The following CLDN16 variants were observed in gnomAD, a reference collection of about 807,000 sequenced individuals.
CLDN16 encodes the protein claudin-16.
In CLDN16, 13 loss-of-function variants were observed where a neutral mutation model predicts 24.6. That is an observed-to-expected ratio of 0.53 (90% confidence interval 0.34 to 0.84). CLDN16 has a LOEUF of 0.84. CLDN16 is among the 40% of genes least tolerant of loss of function. The pLI is 0.01. For synonymous variants in CLDN16, 116 were observed against 106.7 expected (o/e 1.09, Z -0.54); for missense variants, 298 against 292.7 (o/e 1.02, Z -0.13).
chr3:190,314,556 G>A, the CLDN16 span, among the ~76,000 whole-genome samples: 1 of 134,450 alleles, frequency 7.4e-6, no homozygotes, highest in African/African-American at 3.4e-5. Context: ...CACCATGCCT[G>A]GCTAAATTTT....
At chr3:190,310,181 G>GGGGTCATA in the CLDN16 span, 4 of 1,613,492 alleles carry the variant, frequency 2.5e-6, no homozygotes, top group Non-Finnish European at 3.4e-6. Flanking sequence ...GGCATTGACT[G>GGGGTCATA]GGGTCATAGG....
chr3:190,307,909 G>T, the CLDN16 span: 2 of 169,538 alleles, frequency 1.2e-5, no homozygotes, highest in African/African-American at 4.8e-5. Context: ...GATATTTTAA[G>T]TATGCTAGTA....
chr3:190,330,192 C>T (rs887727763), intron 1 of CLDN16, among the ~76,000 whole-genome samples: 25 of 152,224 alleles, frequency 1.6e-4, no homozygotes, highest in Non-Finnish European at 3.2e-4. Context: ...AGCATTCTGC[C>T]TGAGATTCTA....
chr3:190,383,897 G>A (rs1282758219), upstream of CLDN16, among the ~76,000 whole-genome samples: 2 of 152,060 alleles, frequency 1.3e-5, no homozygotes, highest in Admixed American at 1.3e-4. Flanking sequence ...ACAATTTATT[G>A]CTTATTTATT....
At chr3:190,359,705 G>GGAGCACT (rs1717846826) in intron 1 of CLDN16, among the ~76,000 whole-genome samples, 1 of 151,958 alleles carries the variant, frequency 6.6e-6, no homozygotes, top group Non-Finnish European at 1.5e-5. Flanking sequence ...AAGTAGCATG[G>GGAGCACT]GAGCACTGAA....
chr3:190,307,162 A>G, the CLDN16 span: 1 of 152,664 alleles, frequency 6.6e-6, no homozygotes, highest in Non-Finnish European at 1.5e-5. Flanking sequence ...AGGTAGAAAG[A>G]TTAAGTGACT....
chr3:190,300,205 G>T, the CLDN16 span, among the ~76,000 whole-genome samples: 5 of 150,156 alleles, frequency 3.3e-5, no homozygotes, highest in African/African-American at 1.3e-4. Context: ...CTGCAGTGCT[G>T]TTGGCAGCTG....
chr3:190,365,534 A>G (rs1039047665), intron 1 of CLDN16, among the ~76,000 whole-genome samples: 8 of 147,390 alleles, frequency 5.4e-5, no homozygotes, highest in African/African-American at 1.8e-4. Flanking sequence ...TACTTCATCT[A>G]GTATGAGCCA....
chr3:190,308,175 C>T, the CLDN16 span: 237,357 of 1,364,970 alleles, frequency 0.17, 21,886 homozygotes, highest in Middle Eastern at 0.23. Flanking sequence ...TACCATACTT[C>T]AGATTACAAT....
chr3:190,391,547 C>T (rs770051305), intron 1 of CLDN16, among the ~76,000 whole-genome samples: 8 of 152,116 alleles, frequency 5.3e-5, no homozygotes, highest in Non-Finnish European at 1.0e-4. Context: ...AAAGAAAAGG[C>T]ATTTGAGCAA....
chr3:190,406,613 A>T (rs1382984113), intron 3 of CLDN16, among the ~76,000 whole-genome samples: 1 of 152,200 alleles, frequency 6.6e-6, no homozygotes, highest in East Asian at 1.9e-4. Flanking sequence ...TTTATTTTTA[A>T]AGTCTATAAT....
intron 1 of CLDN16, among the ~76,000 whole-genome samples, chr3:190,326,337 A>G (rs1483265185): frequency 6.6e-6 from 1 of 152,242 alleles, no homozygotes; most frequent in East Asian, 1.9e-4. Flanking sequence ...ATTCTGTTAC[A>G]GTCCCACTGA....
intron 1 of CLDN16, among the ~76,000 whole-genome samples, chr3:190,347,678 A>G (rs926025252): frequency 6.6e-6 from 1 of 152,214 alleles, no homozygotes; most frequent in Admixed American, 6.5e-5. Context: ...AATTTCAACT[A>G]GGCATGTCTG....
the CLDN16 span, among the ~76,000 whole-genome samples, chr3:190,295,973 G>GT: frequency 6.6e-6 from 1 of 151,872 alleles, no homozygotes; most frequent in Non-Finnish European, 1.5e-5. Context: ...TGGCTCTAGG[G>GT]TTTTTTATTT....
chr3:190,318,543 G>C (rs76715059), upstream of CLDN16, among the ~76,000 whole-genome samples: 1 of 152,112 alleles, frequency 6.6e-6, no homozygotes, highest in South Asian at 2.1e-4. Flanking sequence ...TATTTTATAA[G>C]TGGGGTAACT....
chr3:190,408,337 G>C lies in CLDN16; in HGVS notation c.406G>C (p.Val136Leu). The change falls in exon 4 of 5, where the codon GTG becomes CTG. Residue 136 changes from valine to leucine, a missense_variant. Physicochemically the swap from Val to Leu is conservative, Grantham distance 32. Transcript: ENST00000264734. ...IAGTPGIIGSVWYAVDVYVER... is the reference protein window; with the variant it reads ...IAGTPGIIGSLWYAVDVYVER... ...AGGTACCCCAGGAATCATTGGCTCTGTGTGGTATGCTGTTGATGTGTATGT... is the reference window on the plus strand; with the variant it reads ...AGGTACCCCAGGAATCATTGGCTCTCTGTGGTATGCTGTTGATGTGTATGT... The C allele has an allele frequency of 6.2e-7, 1 of 1,614,104 alleles. No individual in the cohort carries two copies. Among genetic ancestry groups the C allele is most frequent in the Non-Finnish European group, 8.5e-7 (1 of 1,179,984 alleles).
At chr3:190,357,977 C>T (rs553529519) in intron 1 of CLDN16, among the ~76,000 whole-genome samples, 5 of 151,678 alleles carry the variant, frequency 3.3e-5, no homozygotes, top group African/African-American at 1.2e-4. Flanking sequence ...TTTTATATTC[C>T]CCTGGGTCAT....
upstream of CLDN16, chr3:190,322,526 TC>T: frequency 6.4e-6 from 2 of 314,370 alleles, no homozygotes; most frequent in Non-Finnish European, 1.2e-5. Flanking sequence ...CCTGGCGGTT[TC>T]AGGGCGGCTC....
At position 190,362,382 on chromosome 3, in the gene CLDN16, A is replaced by T. The variant is rs528556407; in HGVS notation, n.122-8511A>T. ...ATCCCACCCAGGAACAGAAGACAGC[A>T]AGAAAACCTCACTTCGACCCCCTCT... On this transcript the variant is annotated intron_variant and non_coding_transcript_variant, in intron 1 of 4. Transcript: ENST00000468220. 2.2e-4 allele frequency among the ~76,000 whole-genome samples: 33 copies of T among 152,046 alleles called. No individual in the cohort carries two copies. In the South Asian group the frequency reaches 6.8e-3, roughly 32 times the overall value.
Sources: allele counts gnomAD v4.1 joint callset (sites outside exome capture counted in the v4.1 genomes callset), GRCh38; gene constraint gnomAD v4.1.1; transcripts MANE v1.5; gene names NCBI Gene and HGNC (gene_info 2026-07-23, HGNC 2026-07-21).